LRRC4C: variants seen among roughly 807,000 people sequenced by gnomAD.
LRRC4C encodes the protein leucine-rich repeat-containing protein 4C.
Under a neutral mutation model 33.6 loss-of-function variants are expected in LRRC4C, and 5 were observed. The ratio of observed to expected loss-of-function variants is 0.15; its 90% CI spans 0.08 to 0.31. The LOEUF (loss-of-function observed/expected upper bound fraction) is 0.31, where lower values mean the gene tolerates loss of function less well. Ranked by LOEUF, LRRC4C falls within the 10% of genes least tolerant of loss-of-function variation. The pLI, the probability that LRRC4C is intolerant of heterozygous loss-of-function variation, is 1.00. For synonymous variants in LRRC4C, 329 were observed against 302.0 expected, an observed-to-expected ratio of 1.09 and a Z score of -0.93; for missense variants, 560 against 796.7, an observed-to-expected ratio of 0.70 and a Z score of 3.58.
chr11:40,797,311 T>G (rs189250746), intron 2 of LRRC4C, among the ~76,000 whole-genome samples: 157 of 152,176 alleles, frequency 1.0e-3, no homozygotes, highest in Non-Finnish European at 1.8e-3. Context: ...GAATTTGGTT[T>G]TTGAAAGGTT....
chr11:41,061,676 A>C (rs1169168277), intron 1 of LRRC4C, among the ~76,000 whole-genome samples: 4 of 152,216 alleles, frequency 2.6e-5, no homozygotes, highest in Non-Finnish European at 5.9e-5. Context: ...GAGAGCTATA[A>C]AGCTAAAGAA....
intron 1 of LRRC4C, among the ~76,000 whole-genome samples, chr11:41,350,249 G>A (rs930074964): frequency 2.6e-5 from 4 of 152,142 alleles, no homozygotes; most frequent in Non-Finnish European, 2.9e-5. Context: ...AGTGGCTCAC[G>A]CCTGTAATCC....
chr11:41,421,851 T>G (rs147383397), intron 1 of LRRC4C, among the ~76,000 whole-genome samples: 60 of 152,142 alleles, frequency 3.9e-4, no homozygotes, highest in African/African-American at 1.4e-3. Context: ...TGTTTCCTCC[T>G]GCAGTTTTAA....
intron 1 of LRRC4C, among the ~76,000 whole-genome samples, chr11:41,143,742 C>T: frequency 6.6e-6 from 1 of 152,122 alleles, no homozygotes; most frequent in East Asian, 1.9e-4. Context: ...ATTTTGGGGG[C>T]ATGGGGCCAT....
At chr11:40,843,400 G>T (rs764291590) in intron 2 of LRRC4C, among the ~76,000 whole-genome samples, 2 of 152,038 alleles carry the variant, frequency 1.3e-5, no homozygotes, top group Non-Finnish European at 2.9e-5. Context: ...TTCCCAATGG[G>T]CTGACATTCC....
chr11:40,816,206 A>G (rs1378949129), intron 2 of LRRC4C, among the ~76,000 whole-genome samples: 1 of 152,200 alleles, frequency 6.6e-6, no homozygotes, highest in Non-Finnish European at 1.5e-5. Context: ...ATGGAAGATC[A>G]TTAATTCTAG....
rs140914553 is a variant in LRRC4C at position 40,868,807 on chromosome 11, C to A, written c.-407+64828G>T. Among the ~76,000 whole-genome samples the A allele has an allele frequency of 2.4e-3, 373 of 152,262 alleles. 4 individuals carry two copies. The highest frequency in any genetic ancestry group is 8.2e-3 in the African/African-American group (340 of 41,566). ...AAAACTATGTTGTTCATAATATTAA[C>A]AATGATATTTAAGAAACTGTGTTTT... On this transcript the variant is annotated intron_variant, in intron 2 of 6. Transcript: ENST00000528697.
At chr11:40,363,002 G>A (rs933052263) in intron 3 of LRRC4C, among the ~76,000 whole-genome samples, 9 of 152,136 alleles carry the variant, frequency 5.9e-5, no homozygotes, top group Non-Finnish European at 1.5e-5. Flanking sequence ...GGAAGACAGT[G>A]TAGTGATGCC....
chr11:41,095,113 G>T (rs1940724596), intron 1 of LRRC4C, among the ~76,000 whole-genome samples: 2 of 152,162 alleles, frequency 1.3e-5, no homozygotes, highest in African/African-American at 4.8e-5. Context: ...TCACAGTTCT[G>T]CATAGCTGGG....
intron 1 of LRRC4C, among the ~76,000 whole-genome samples, chr11:40,994,889 G>A (rs940407814): frequency 1.3e-5 from 2 of 150,694 alleles, no homozygotes; most frequent in Non-Finnish European, 3.0e-5. Flanking sequence ...CTTCCCCATT[G>A]TCCCCTCCAC....
chr11:40,259,075 G>C (rs979349168), intron 4 of LRRC4C, among the ~76,000 whole-genome samples: 26 of 152,144 alleles, frequency 1.7e-4, no homozygotes, highest in African/African-American at 6.0e-4. Context: ...TCAAGACAAA[G>C]TATGCTGACT....
At chr11:40,671,055 G>T (rs1385646912) in intron 2 of LRRC4C, among the ~76,000 whole-genome samples, 1 of 152,194 alleles carries the variant, frequency 6.6e-6, no homozygotes, top group Non-Finnish European at 1.5e-5. Flanking sequence ...GAGCCACTGC[G>T]CCTGGCCAAG....
chr11:40,470,147 T>C (rs1223156095), intron 3 of LRRC4C, among the ~76,000 whole-genome samples: 2 of 152,134 alleles, frequency 1.3e-5, no homozygotes, highest in Non-Finnish European at 2.9e-5. Flanking sequence ...GGTTGGCATC[T>C]GGTGGGTGCC....
Position 41,350,044 on chromosome 11 carries a change from AAGTC to A in LRRC4C, c.-496+109383_-496+109386del, listed in dbSNP as rs373474574. Among the ~76,000 whole-genome samples the A allele has an allele frequency of 2.6e-4, 39 of 152,278 alleles. 1 individual carries two copies. The highest frequency in any genetic ancestry group is 9.1e-4 in the African/African-American group (38 of 41,554). On this transcript the variant is annotated intron_variant, in intron 1 of 6. Coordinates refer to ENST00000528697, the MANE Select transcript of LRRC4C (RefSeq NM_001258419.2). ...AGTCTCTTGCAGTATCACATGTCATAAGTCAGATAGCCTCTGGAAAACTCCACCG... is the reference window on the plus strand; with the variant it reads ...AGTCTCTTGCAGTATCACATGTCATAAGATAGCCTCTGGAAAACTCCACCG...
chr11:40,263,858 A>G (rs1279249881), intron 4 of LRRC4C, among the ~76,000 whole-genome samples: 1 of 152,208 alleles, frequency 6.6e-6, no homozygotes. Context: ...TGGAGAGCCA[A>G]CATTACCCAG....
intron 3 of LRRC4C, among the ~76,000 whole-genome samples, chr11:40,400,529 A>G (rs947711332): frequency 2.1e-4 from 32 of 152,044 alleles, no homozygotes; most frequent in Non-Finnish European, 4.3e-4. Context: ...AAAATTCTTT[A>G]ATAGCTCTTC....
chr11:41,402,604 G>C (rs1954067307), intron 1 of LRRC4C, among the ~76,000 whole-genome samples: 1 of 151,954 alleles, frequency 6.6e-6, no homozygotes, highest in South Asian at 2.1e-4. Context: ...TGCGTCTAAA[G>C]AGTTAACTGT....
chr11:40,598,467 C>T (rs1474707172), intron 3 of LRRC4C, among the ~76,000 whole-genome samples: 1 of 152,174 alleles, frequency 6.6e-6, no homozygotes, highest in African/African-American at 2.4e-5. Flanking sequence ...ACTTGGCATG[C>T]TGCTAGGCAC....
chr11:41,070,606 G>A (rs1169401281), intron 1 of LRRC4C, among the ~76,000 whole-genome samples: 1 of 151,958 alleles, frequency 6.6e-6, no homozygotes, highest in African/African-American at 2.4e-5. Context: ...AGTGGGTAAA[G>A]GATATGAACA....
Sources: gnomAD v4.1 joint callset for allele counts (sites outside exome capture counted in the v4.1 genomes callset) on GRCh38, gnomAD v4.1.1 for gene constraint, MANE v1.5 for transcripts, NCBI Gene and HGNC (gene_info 2026-07-23, HGNC 2026-07-21) for gene names.